Variants in EML6 observed in about 807,000 individuals in gnomAD.
The protein encoded by EML6 is echinoderm microtubule-associated protein-like 6.
In EML6, 154 loss-of-function variants were observed where a neutral mutation model predicts 240.1. The observed-to-expected ratio is 0.64, with a 90% CI of 0.56 to 0.73. The LOEUF (loss-of-function observed/expected upper bound fraction) is 0.73, where lower values mean the gene tolerates loss of function less well. EML6 is among the 30% of genes least tolerant of loss of function. The probability of loss-of-function intolerance (pLI) is 0.00; values close to 1 mark genes in which losing one functional copy is unlikely to be tolerated. For synonymous variants in EML6, 1,148 were observed against 899.0 expected, an observed-to-expected ratio of 1.28 and a Z score of -4.95; for missense variants, 2,964 against 2,474.6, an observed-to-expected ratio of 1.20 and a Z score of -4.20.
intron 28 of EML6, among the ~76,000 whole-genome samples, chr2:54,929,701 T>A (rs983280897): frequency 6.7e-6 from 1 of 148,646 alleles, no homozygotes; most frequent in Non-Finnish European, 1.5e-5. Context: ...AACCTCCTCC[T>A]CCTCCTCCTC....
intron 28 of EML6, among the ~76,000 whole-genome samples, chr2:54,932,132 G>A (rs1464813250): frequency 3.9e-5 from 6 of 152,334 alleles, no homozygotes; most frequent in African/African-American, 1.4e-4. Flanking sequence ...TGAGGAAGCT[G>A]AGAAGAAATT....
At chr2:54,767,126 A>T (rs531224794) in intron 2 of EML6, among the ~76,000 whole-genome samples, 3 of 152,270 alleles carry the variant, frequency 2.0e-5, no homozygotes, top group Admixed American at 2.0e-4. Context: ...GTAGGTTTTT[A>T]TAGAGCATCT....
chr2:54,941,858 T>C (rs1675445889), intron 28 of EML6, among the ~76,000 whole-genome samples: 1 of 152,266 alleles, frequency 6.6e-6, no homozygotes, highest in Non-Finnish European at 1.5e-5. Flanking sequence ...GCAAGAGTTC[T>C]GCCCGCATAG....
rs80098385 is a variant in EML6 at position 54,971,954 on chromosome 2, T to C, written c.*1859T>C. The C allele has an allele frequency of 6.6e-6, 1 of 152,358 alleles. No homozygotes were observed. Among genetic ancestry groups the C allele is most frequent in the East Asian group, 1.9e-4 (1 of 5,188 alleles). The allele number at this position is 152,358 out of a possible 1,614,324, so 9.4% of individuals were successfully genotyped here. On this transcript the variant is annotated 3_prime_UTR_variant, in exon 42 of 42. Transcript: ENST00000356458. ...GTGAGTTAAAACATTGGTGCATGAA[T>C]TTATTTTCAAAGTATAAAACACATC... is the stretch of plus-strand genomic sequence containing the variant.
chr2:54,770,289 G>T (rs1668352902), intron 2 of EML6, among the ~76,000 whole-genome samples: 1 of 152,120 alleles, frequency 6.6e-6, no homozygotes, highest in African/African-American at 2.4e-5. Flanking sequence ...TAATTACACT[G>T]GGACAACAGG....
At chr2:54,797,179 A>AAAAAAAAAAAAAAAAC (rs1669853298) in intron 2 of EML6, among the ~76,000 whole-genome samples, 1 of 146,906 alleles carries the variant, frequency 6.8e-6, no homozygotes, top group African/African-American at 2.5e-5. Flanking sequence ...AAAAAAAAAA[A>AAAAAAAAAAAAAAAAC]AAAAAAAAAA....
At chr2:54,852,223 A>G (rs917346777) in intron 10 of EML6, among the ~76,000 whole-genome samples, 6 of 152,196 alleles carry the variant, frequency 3.9e-5, no homozygotes, top group African/African-American at 1.2e-4. Flanking sequence ...CATAACTTTT[A>G]TAAGAGATTC....
intron 19 of EML6, among the ~76,000 whole-genome samples, chr2:54,894,345 T>C (rs1273849723): frequency 6.6e-6 from 1 of 152,216 alleles, no homozygotes; most frequent in Non-Finnish European, 1.5e-5. Context: ...TTAAGCTTTT[T>C]ACTTTCCAGG....
chr2:54,870,555 A>C (rs1255968213), intron 15 of EML6, among the ~76,000 whole-genome samples: 1 of 152,182 alleles, frequency 6.6e-6, no homozygotes, highest in Non-Finnish European at 1.5e-5. Flanking sequence ...GTGTTAGCTG[A>C]TGTTATAAGG....
intron 26 of EML6, among the ~76,000 whole-genome samples, chr2:54,924,907 C>T (rs983859584): frequency 6.6e-6 from 1 of 152,086 alleles, no homozygotes; most frequent in African/African-American, 2.4e-5. Context: ...ACTTTCCTTC[C>T]CAAATACATG....
intron 2 of EML6, among the ~76,000 whole-genome samples, chr2:54,773,472 C>T (rs536856470): frequency 4.5e-4 from 69 of 152,360 alleles, no homozygotes; most frequent in African/African-American, 1.6e-3. Context: ...GCAGATCATG[C>T]CTGGAAGGCT....
chr2:54,788,972 C>G (rs1292824953), intron 2 of EML6, among the ~76,000 whole-genome samples: 2 of 152,182 alleles, frequency 1.3e-5, no homozygotes, highest in East Asian at 1.9e-4. Flanking sequence ...CGCCCCACCC[C>G]CTTTGCCACT....
intron 7 of EML6, among the ~76,000 whole-genome samples, chr2:54,839,464 G>A (rs956807206): frequency 6.6e-6 from 1 of 152,224 alleles, no homozygotes; most frequent in Non-Finnish European, 1.5e-5. Flanking sequence ...AAAGAACTGA[G>A]TACTTAGGGA....
rs997027881 is a variant in EML6 at position 54,891,003 on chromosome 2, G to A, written c.2439-51G>A. 4 of 869,758 alleles carry A rather than the reference G, an allele frequency of 4.6e-6. No individual in the cohort carries two copies. In the Middle Eastern group the frequency reaches 6.8e-4, roughly 149 times the overall value. 53.9% of individuals were successfully genotyped at this position (869,758 alleles called of 1,614,324 possible). On this transcript the variant is annotated intron_variant, in intron 17 of 41. Transcript: ENST00000356458. ...CCAAATGCATGCTTTTAATAAAACT[G>A]TTACTGCTTCCATCCAAACTAGAAT...
chr2:54,813,822 C>T (rs933282834), intron 3 of EML6, among the ~76,000 whole-genome samples: 4 of 152,210 alleles, frequency 2.6e-5, no homozygotes, highest in Non-Finnish European at 4.4e-5. Context: ...AGAAGATTAT[C>T]CTTGACTCTT....
At chr2:54,950,597 G>A (rs954203440) in intron 29 of EML6, 53 bp from the exon 30 acceptor site, 91 of 1,544,036 alleles carry the variant, frequency 5.9e-5, no homozygotes, top group South Asian at 1.1e-4. Flanking sequence ...TGTGTTCCTC[G>A]GCTCTCCCTT....
rs1216561433 is a variant in EML6, at chr2:54,932,823, C to T, written c.4004+4072C>T. On this transcript the variant is annotated intron_variant, in intron 28 of 41. Coordinates refer to ENST00000356458, the MANE Select transcript of EML6 (RefSeq NM_001039753.4). ...GCTTGGTACCAAATTACTAGAGTTG[C>T]CTGTTAAATTAAGAATTTTCTTTTC... is the stretch of plus-strand genomic sequence containing the variant. Among the ~76,000 whole-genome samples the T allele has an allele frequency of 5.3e-5, 8 of 152,266 alleles. No homozygotes were observed. The East Asian group carries it at 1.5e-3, about 29-fold the overall frequency.
chr2:54,793,707 G>A (rs1361503641), intron 2 of EML6, among the ~76,000 whole-genome samples: 1 of 152,144 alleles, frequency 6.6e-6, no homozygotes, highest in African/African-American at 2.4e-5. Context: ...CTTTGAGCCA[G>A]ATGTGGCTGG....
At chr2:54,803,064 A>C (rs186328252) in intron 2 of EML6, among the ~76,000 whole-genome samples, 1 of 152,274 alleles carries the variant, frequency 6.6e-6, no homozygotes, top group East Asian at 1.9e-4. Flanking sequence ...GCTGGATGAA[A>C]TATTACATAT....
Sources: gnomAD v4.1 joint callset for allele counts (sites outside exome capture counted in the v4.1 genomes callset) on GRCh38, gnomAD v4.1.1 for gene constraint, MANE v1.5 for transcripts, NCBI Gene and HGNC (gene_info 2026-07-23, HGNC 2026-07-21) for gene names.